The following AUTS2 variants were observed in gnomAD, a reference collection of about 807,000 sequenced individuals.
The protein encoded by AUTS2 is activator of transcription and developmental regulator AUTS2.
A neutral mutation model predicts 112.4 loss-of-function variants in AUTS2; 17 were observed. That is an observed-to-expected ratio of 0.15 (90% CI 0.10 to 0.23). The LOEUF (loss-of-function observed/expected upper bound fraction) is 0.23. AUTS2 is among the 10% of genes least tolerant of loss of function. The pLI, the probability that AUTS2 is intolerant of heterozygous loss-of-function variation, is 1.00. For missense variants in AUTS2, 1,510 were observed against 1,701.6 expected (o/e 0.89, Z 1.98); for synonymous variants, 751 against 702.7 (o/e 1.07, Z -1.09).
In AUTS2 at chr7:70,363,465, G is replaced by GAAAA. The variant is rs369462886; in HGVS notation, c.661-72271_661-72268dup. ...AACTTAGAGTATAATATAAAAAAAA[G>GAAAA]AAAAAAAAAAAAAAAAAAATCTGAA... On this transcript the variant is annotated intron_variant, in intron 4 of 18. Coordinates refer to ENST00000342771, the MANE Select transcript of AUTS2 (RefSeq NM_015570.4). Among the ~76,000 whole-genome samples, 412 of 110,772 alleles carry GAAAA rather than the reference G, an allele frequency of 3.7e-3. 4 individuals are homozygous for GAAAA. Among genetic ancestry groups the GAAAA allele is most frequent in the Non-Finnish European group, 5.0e-3 (264 of 52,752 alleles). 72.7% of individuals were successfully genotyped at this position (110,772 alleles called of 152,430 possible). A position where few individuals can be genotyped will look rare whatever the true frequency, so the allele number is the denominator to read the frequency against.
chr7:69,983,968 A>T (rs752740437), intron 2 of AUTS2, among the ~76,000 whole-genome samples: 1 of 152,182 alleles, frequency 6.6e-6, no homozygotes, highest in African/African-American at 2.4e-5. Flanking sequence ...CTCTAGTTTC[A>T]TTTTATCTAT....
chr7:70,543,448 G>T (rs374800319), intron 5 of AUTS2, among the ~76,000 whole-genome samples: 1 of 151,562 alleles, frequency 6.6e-6, no homozygotes, highest in South Asian at 2.1e-4. Flanking sequence ...AGAATCGCTT[G>T]AACCCGGGAG....
chr7:70,445,935 A>G (rs1246533207), intron 5 of AUTS2, among the ~76,000 whole-genome samples: 1 of 152,194 alleles, frequency 6.6e-6, no homozygotes, highest in Non-Finnish European at 1.5e-5. Flanking sequence ...CAGGAAGAGC[A>G]GGGCTGGAGC....
intron 2 of AUTS2, among the ~76,000 whole-genome samples, chr7:69,975,330 TG>T: frequency 6.6e-6 from 1 of 152,262 alleles, no homozygotes; most frequent in East Asian, 1.9e-4. Flanking sequence ...TGTCTTGGTG[TG>T]GGTATCTTTG....
At chr7:69,829,728 A>G (rs949887776) in intron 1 of AUTS2, among the ~76,000 whole-genome samples, 1 of 152,198 alleles carries the variant, frequency 6.6e-6, no homozygotes, top group Non-Finnish European at 1.5e-5. Flanking sequence ...TTAAAAAGTC[A>G]AGAAACAACA....
At chr7:70,243,879 A>G (rs1021692300) in intron 4 of AUTS2, among the ~76,000 whole-genome samples, 1 of 152,006 alleles carries the variant, frequency 6.6e-6, no homozygotes, top group Non-Finnish European at 1.5e-5. Context: ...CTGCCCTCTC[A>G]TTTTTACCTT....
At chr7:69,988,905 T>C (rs1270429450) in intron 2 of AUTS2, among the ~76,000 whole-genome samples, 1 of 152,100 alleles carries the variant, frequency 6.6e-6, no homozygotes, top group African/African-American at 2.4e-5. Context: ...GCACTTTTTG[T>C]TGGGGGCAGG....
chr7:69,772,175 C>A (rs559786581), intron 1 of AUTS2, among the ~76,000 whole-genome samples: 33 of 152,274 alleles, frequency 2.2e-4, no homozygotes, highest in African/African-American at 7.7e-4. Flanking sequence ...TGGACTGCAT[C>A]CAAAATTGTT....
At chr7:69,969,921 A>G (rs184796168) in intron 2 of AUTS2, among the ~76,000 whole-genome samples, 7 of 152,304 alleles carry the variant, frequency 4.6e-5, no homozygotes, top group Admixed American at 4.6e-4. Flanking sequence ...TAGGAAGATG[A>G]TTTAATCAGT....
intron 1 of AUTS2, among the ~76,000 whole-genome samples, chr7:69,689,497 C>T (rs1483728738): frequency 6.0e-5 from 9 of 150,374 alleles, no homozygotes; most frequent in African/African-American, 1.2e-4. Context: ...ACTACAGGTG[C>T]GTGCCACCAT....
At chr7:70,487,300 C>T (rs1057375076) in intron 5 of AUTS2, among the ~76,000 whole-genome samples, 9 of 152,164 alleles carry the variant, frequency 5.9e-5, no homozygotes, top group Non-Finnish European at 1.2e-4. Flanking sequence ...GAAAATATGG[C>T]GTGTTTACAG....
chr7:69,808,985 A>C (rs934813643), intron 1 of AUTS2, among the ~76,000 whole-genome samples: 2 of 152,036 alleles, frequency 1.3e-5, no homozygotes, highest in Non-Finnish European at 2.9e-5. Context: ...GCTCTGTGTG[A>C]CATCATACCT....
At chr7:69,625,980 TG>T (rs1406218269) in intron 1 of AUTS2, among the ~76,000 whole-genome samples, 1 of 152,186 alleles carries the variant, frequency 6.6e-6, no homozygotes, top group Non-Finnish European at 1.5e-5. Flanking sequence ...TGTGAAGGAA[TG>T]GCATGCAGAG....
chr7:70,419,460 TAA>T (rs1423503583), intron 4 of AUTS2, among the ~76,000 whole-genome samples: 1 of 152,048 alleles, frequency 6.6e-6, no homozygotes, highest in African/African-American at 2.4e-5. Flanking sequence ...GAGTTTGCTG[TAA>T]GGTTAAAAAC....
chr7:69,844,828 G>A lies in AUTS2; in HGVS notation c.310-54458G>A, dbSNP rs78896363. 3.7e-3 allele frequency among the ~76,000 whole-genome samples: 563 copies of A among 152,152 alleles called. 5 individuals carry two copies. Among genetic ancestry groups the A allele is most frequent in the African/African-American group, 0.013 (537 of 41,516 alleles). On this transcript the variant is annotated intron_variant, in intron 1 of 18. Coordinates refer to ENST00000342771, the MANE Select transcript of AUTS2 (RefSeq NM_015570.4). ...CTCTACTCCCCTTCCATTTGACCCC[G>A]AATTGTGTTACATACTACCTAACAG...
chr7:69,823,850 A>G (rs1791115224), intron 1 of AUTS2, among the ~76,000 whole-genome samples: 1 of 152,170 alleles, frequency 6.6e-6, no homozygotes, highest in South Asian at 2.1e-4. Flanking sequence ...TTGACAGTGA[A>G]ATGGATTTGA....
chr7:70,660,479 A>G (rs1389610860), intron 5 of AUTS2, among the ~76,000 whole-genome samples: 1 of 152,192 alleles, frequency 6.6e-6, no homozygotes, highest in African/African-American at 2.4e-5. Context: ...TGTTTCATTT[A>G]CCCAGGTACA....
chr7:70,458,639 A>G (rs1008256118), intron 5 of AUTS2, among the ~76,000 whole-genome samples: 2 of 152,110 alleles, frequency 1.3e-5, no homozygotes, highest in Admixed American at 6.5e-5. Context: ...AGCGGGAGGC[A>G]TGTTCCACCT....
chr7:70,696,856 A>T (rs1161561064), intron 5 of AUTS2, among the ~76,000 whole-genome samples: 1 of 151,832 alleles, frequency 6.6e-6, no homozygotes, highest in African/African-American at 2.4e-5. Flanking sequence ...TTGGTAAAAC[A>T]CTTTAATAAA....
Sources: allele counts gnomAD v4.1 joint callset (sites outside exome capture counted in the v4.1 genomes callset), GRCh38; gene constraint gnomAD v4.1.1; transcripts MANE v1.5; gene names NCBI Gene and HGNC (gene_info 2026-07-23, HGNC 2026-07-21).